CLASP2: variants seen among roughly 807,000 people sequenced by gnomAD.
The protein encoded by CLASP2 is CLIP-associating protein 2.
CLASP2 carries 47 observed loss-of-function variants against 194.4 expected under a neutral mutation model. The observed-to-expected ratio is 0.24, with a 90% CI of 0.19 to 0.31. The LOEUF (loss-of-function observed/expected upper bound fraction) is 0.31, where lower values mean the gene tolerates loss of function less well. CLASP2 is among the 10% of genes least tolerant of loss of function. The pLI, the probability that CLASP2 is intolerant of heterozygous loss-of-function variation, is 1.00. For synonymous variants in CLASP2, 619 were observed against 633.5 expected (o/e 0.98, Z 0.34); for missense variants, 1,445 against 1,823.6 (o/e 0.79, Z 3.78).
chr3:33,509,027 A>G (rs917192698), intron 37 of CLASP2, among the ~76,000 whole-genome samples: 2 of 152,174 alleles, frequency 1.3e-5, no homozygotes, highest in Non-Finnish European at 1.5e-5. Flanking sequence ...GTATTTGAAG[A>G]CCACAATCTG....
intron 7 of CLASP2, among the ~76,000 whole-genome samples, chr3:33,648,033 CAA>C (rs34242586): frequency 1.3e-4 from 15 of 119,654 alleles, no homozygotes; most frequent in South Asian, 7.6e-4. Context: ...ATTCCGTCTG[CAA>C]AAAAAAAAAG....
At chr3:33,517,271 A>G in intron 34 of CLASP2, 97 bp from the exon 35 acceptor site, 1 of 905,508 alleles carries the variant, frequency 1.1e-6, no homozygotes, top group Non-Finnish European at 1.6e-6. Context: ...AGATATAACC[A>G]TCATGTTTGC....
At chr3:33,699,032 C>A (rs562721496) in intron 1 of CLASP2, among the ~76,000 whole-genome samples, 1 of 152,204 alleles carries the variant, frequency 6.6e-6, no homozygotes, top group East Asian at 1.9e-4. Flanking sequence ...AACTTTAAGG[C>A]AGAGTCAAAA....
At chr3:33,614,382 A>C in intron 12 of CLASP2, among the ~76,000 whole-genome samples, 1 of 152,254 alleles carries the variant, frequency 6.6e-6, no homozygotes, top group South Asian at 2.1e-4. Flanking sequence ...AAGTAACAGC[A>C]GGAAAAGATC....
intron 6 of CLASP2, among the ~76,000 whole-genome samples, chr3:33,681,944 G>C (rs2089923585): frequency 1.3e-5 from 2 of 152,178 alleles, no homozygotes; most frequent in Non-Finnish European, 1.5e-5. Context: ...TAGTTAAAAA[G>C]AGCCTGACTC....
At chr3:33,608,454 T>C in intron 14 of CLASP2, 113 bp downstream of exon 14, 1 of 825,860 alleles carries the variant, frequency 1.2e-6, no homozygotes, top group Non-Finnish European at 2.0e-6. Context: ...GGAAAACCAG[T>C]ACAAATAACC....
chr3:33,560,013 T>TA (rs1445414334), intron 28 of CLASP2, among the ~76,000 whole-genome samples: 3 of 152,170 alleles, frequency 2.0e-5, no homozygotes, highest in Admixed American at 1.3e-4. Flanking sequence ...TCTCTATACC[T>TA]AAAATCTGAA....
At chr3:33,676,659 T>C (rs867842245) in intron 6 of CLASP2, among the ~76,000 whole-genome samples, 24 of 152,240 alleles carry the variant, frequency 1.6e-4, no homozygotes, top group Admixed American at 3.3e-4. Flanking sequence ...ACTTCATGTC[T>C]AAAACACCAA....
chr3:33,567,723 A>G (rs370917956), intron 26 of CLASP2, among the ~76,000 whole-genome samples: 2 of 152,356 alleles, frequency 1.3e-5, no homozygotes, highest in East Asian at 3.9e-4. Context: ...ATTAAAGTAC[A>G]TACTGCTAAT....
chr3:33,699,155 T>C (rs1002885394), intron 1 of CLASP2, among the ~76,000 whole-genome samples: 4 of 151,956 alleles, frequency 2.6e-5, no homozygotes, highest in Non-Finnish European at 5.9e-5. Context: ...AATCTGAAAA[T>C]ACGTTCATAC....
chr3:33,573,195 T>C lies in CLASP2; in HGVS notation c.2614A>G (p.Asn872Asp), dbSNP rs1443899300. 6.2e-7 allele frequency: 1 copy of C among 1,613,916 alleles called. No individual in the cohort carries two copies. The highest frequency in any genetic ancestry group is 1.1e-5 in the South Asian group (1 of 91,082). Residue 872 changes from asparagine (N) to aspartate (D), a missense_variant, in exon 25 of 39, where the codon AAT (asparagine) becomes GAT (aspartate). This residue lies in a region of CLASP2 where 732 missense variants were observed against 987.9 expected (regional missense o/e 0.74). Coordinates refer to ENST00000682230, the MANE Select transcript of CLASP2 (RefSeq NM_001365631.1). ...RQTEDVAEVL[N>D]RCASSNWSER... ...GACCAATTGGAACTAGCACATCTAT[T>C]GAGGACTTCTGCCACATCTTCCGTC... is the stretch of plus-strand genomic sequence containing the variant.
intron 1 of CLASP2, among the ~76,000 whole-genome samples, chr3:33,699,321 CAAG>C (rs1490194901): frequency 6.6e-6 from 1 of 151,508 alleles, no homozygotes; most frequent in African/African-American, 2.4e-5. Flanking sequence ...GGAAAATGGC[CAAG>C]AATATAGGAA....
At chr3:33,687,827 A>G (rs1012120203) in intron 4 of CLASP2, among the ~76,000 whole-genome samples, 1 of 152,232 alleles carries the variant, frequency 6.6e-6, no homozygotes, top group Admixed American at 6.5e-5. Context: ...CTCTACACAC[A>G]GCTACCAGCC....
At chr3:33,646,053 G>A (rs1028618122) in intron 7 of CLASP2, among the ~76,000 whole-genome samples, 1 of 151,908 alleles carries the variant, frequency 6.6e-6, no homozygotes, top group Non-Finnish European at 1.5e-5. Flanking sequence ...CAACATGGGC[G>A]AGGCAGAGAA....
intron 1 of CLASP2, among the ~76,000 whole-genome samples, chr3:33,715,157 CAT>C (rs1216122745): frequency 2.0e-5 from 3 of 152,226 alleles, no homozygotes; most frequent in Non-Finnish European, 4.4e-5. Flanking sequence ...TCTGCACTCA[CAT>C]GTCACCTTTC....
chr3:33,561,396 T>C (rs1477716192), intron 27 of CLASP2, among the ~76,000 whole-genome samples: 1 of 152,226 alleles, frequency 6.6e-6, no homozygotes, highest in Non-Finnish European at 1.5e-5. Flanking sequence ...CCTTAAAGTA[T>C]AAAATTTATC....
At chr3:33,623,862 T>G (rs2077524536) in intron 10 of CLASP2, among the ~76,000 whole-genome samples, 1 of 152,170 alleles carries the variant, frequency 6.6e-6, no homozygotes, top group Non-Finnish European at 1.5e-5. Context: ...ACTTCCATAC[T>G]GTTCTCCCTG....
intron 38 of CLASP2, 51 bp from the exon 39 acceptor site, chr3:33,498,768 TAA>T: frequency 8.5e-7 from 1 of 1,170,494 alleles, no homozygotes. Flanking sequence ...CTCCAAATTA[TAA>T]GATACTCATT....
chr3:33,652,427 C>T (rs865933683), intron 7 of CLASP2, among the ~76,000 whole-genome samples: 25 of 152,320 alleles, frequency 1.6e-4, no homozygotes, highest in Non-Finnish European at 1.8e-4. Flanking sequence ...TAGCTGTCTA[C>T]ACTTCCCACA....
Sources: allele counts gnomAD v4.1 joint callset (sites outside exome capture counted in the v4.1 genomes callset), GRCh38; gene constraint gnomAD v4.1.1; regional missense constraint gnomAD v4.1.1; transcripts MANE v1.5; gene names NCBI Gene and HGNC (gene_info 2026-07-23, HGNC 2026-07-21).